ZNF418: variants seen among roughly 807,000 people sequenced by gnomAD.
ZNF418 encodes zinc finger protein 418.
In ZNF418, 32 loss-of-function variants were observed where a neutral mutation model predicts 32.0. The ratio of observed to expected loss-of-function variants is 1.00; its 90% CI spans 0.75 to 1.34. The LOEUF is 1.34. ZNF418 is among the 40% of genes most tolerant of loss of function. The pLI, the probability that ZNF418 is intolerant of heterozygous loss-of-function variation, is 0.00. For synonymous variants in ZNF418, 276 were observed against 270.7 expected, an observed-to-expected ratio of 1.02 and a Z score of -0.19; for missense variants, 804 against 812.5, an observed-to-expected ratio of 0.99 and a Z score of 0.13.
chr19:57,928,238 TGAAGGGCATTA>T (rs2072332524), intron 3 of ZNF418, among the ~76,000 whole-genome samples, 191 bp from the exon 4 acceptor site: 1 of 152,176 alleles, frequency 6.6e-6, no homozygotes, highest in African/African-American at 2.4e-5. Flanking sequence ...CCTCATGATA[TGAAGGGCATTA>T]GCATACATGC....
At chr19:57,928,093 A>T (rs1381228553) in intron 3 of ZNF418, 46 bp from the exon 4 acceptor site, 1 of 1,453,058 alleles carries the variant, frequency 6.9e-7, no homozygotes, top group Non-Finnish European at 9.3e-7. Flanking sequence ...CTCTGGTGGG[A>T]AGGCACAGCC....
chr19:57,923,561 CACACAT>C (rs200107867), intron 4 of ZNF418, among the ~76,000 whole-genome samples: 8,214 of 150,292 alleles, frequency 0.055, 184 homozygotes, highest in Non-Finnish European at 0.072. Flanking sequence ...CACACACACA[CACACAT>C]ATATACACAT....
Position 57,926,040 on chromosome 19 carries a change from G to T in ZNF418, c.*110C>A. 1.1e-6 allele frequency: 1 copy of T among 914,412 alleles called. No individual in the cohort carries two copies. The highest frequency in any genetic ancestry group is 1.6e-6 in the Non-Finnish European group (1 of 608,820). The allele number at this position is 914,412 out of a possible 1,614,324, so 56.6% of individuals were successfully genotyped here. ...CTGTATGTAATAAAACAAGACTTCT[G>T]CATAAAGAATATCCCACGTTTGTCA... On this transcript the variant is annotated 3_prime_UTR_variant, in exon 4 of 6. Transcript: ENST00000396147.
chr19:57,934,051 T>A, intron 1 of ZNF418, 149 bp from the exon 2 acceptor site: 1 of 1,451,302 alleles, frequency 6.9e-7, no homozygotes, highest in Non-Finnish European at 9.1e-7. Flanking sequence ...GAAATGGGAA[T>A]ACCTCCATAC....
At chr19:57,930,662 C>T in intron 2 of ZNF418, 108 bp from the exon 3 acceptor site, 2 of 1,527,928 alleles carry the variant, frequency 1.3e-6, no homozygotes, top group South Asian at 1.2e-5. Flanking sequence ...CCAAGATCCT[C>T]AGCACAGAGG....
chr19:57,926,699 G>A lies in ZNF418; in HGVS notation c.1482C>T (p.Ser494=). The A allele has an allele frequency of 1.2e-6, 2 of 1,613,642 alleles. No individual in the cohort carries two copies. The highest frequency in any genetic ancestry group is 1.7e-6 in the Non-Finnish European group (2 of 1,179,936). ...CNECGKSFQD[S]SGFRVHQRVH... ...CTCTCTGATGAACACGAAACCCAGAGCTGTCTTGAAATGATTTCCCACATT... is the reference window on the plus strand; with the variant it reads ...CTCTCTGATGAACACGAAACCCAGAACTGTCTTGAAATGATTTCCCACATT... The change falls in exon 4 of 6, where the codon AGC becomes AGT. Residue 494 remains serine, a synonymous_variant. Coordinates refer to ENST00000396147, the MANE Select transcript of ZNF418 (RefSeq NM_133460.3).
At chr19:57,932,926 G>A (rs1215996370) in intron 2 of ZNF418, among the ~76,000 whole-genome samples, 1 of 151,996 alleles carries the variant, frequency 6.6e-6, no homozygotes, top group Non-Finnish European at 1.5e-5. Flanking sequence ...GAAAGCCTAT[G>A]CCCCCTGACA....
At chr19:57,925,380 G>T (rs1052183000) in intron 4 of ZNF418, among the ~76,000 whole-genome samples, 1 of 151,522 alleles carries the variant, frequency 6.6e-6, no homozygotes, top group African/African-American at 2.4e-5. Context: ...AGAATGGCGT[G>T]AACCCGGGAG....
In ZNF418 at chr19:57,935,147, G is replaced by T; in HGVS notation, c.-81+14C>A. 7.6e-7 allele frequency: 1 copy of T among 1,316,148 alleles called. No individual in the cohort carries two copies. Among genetic ancestry groups the T allele is most frequent in the Non-Finnish European group, 9.9e-7 (1 of 1,014,324 alleles). 81.5% of individuals were successfully genotyped at this position (1,316,148 alleles called of 1,614,324 possible). On this transcript the variant is annotated intron_variant, in intron 1 of 5. Transcript: ENST00000396147. ...TAGGATGAGGTGACCTGAGGGCAGGGAAGGCACAATTACCTGAGCCGGGAG... is the reference window on the plus strand; with the variant it reads ...TAGGATGAGGTGACCTGAGGGCAGGTAAGGCACAATTACCTGAGCCGGGAG...
In ZNF418 at chr19:57,927,335, C is replaced by A; in HGVS notation, c.846G>T (p.Gly282=). The part of the protein sequence containing the change: ...SLVQHQRVHT[G]KRPYECGECG... ...ATTCTCCACATTCATAAGGTCTTTT[C>A]CCAGTGTGAACTCGCTGATGCTGAA... The change falls in exon 4 of 6, where the codon GGG becomes GGT. Residue 282 remains glycine, a synonymous_variant. Transcript: ENST00000396147. The A allele has an allele frequency of 1.2e-6, 2 of 1,607,172 alleles. No individual in the cohort carries two copies. Among genetic ancestry groups the A allele is most frequent in the Non-Finnish European group, 1.7e-6 (2 of 1,178,226 alleles).
Position 57,926,879 on chromosome 19 carries a change from A to G in ZNF418, c.1302T>C (p.Ser434=). 3.7e-6 allele frequency: 6 copies of G among 1,613,564 alleles called. No homozygotes were observed. In the South Asian group the frequency reaches 5.5e-5, roughly 15 times the overall value. Residue 434 remains serine, a synonymous_variant, in exon 4 of 6, where the codon TCT becomes TCC. Coordinates refer to ENST00000396147, the MANE Select transcript of ZNF418 (RefSeq NM_133460.3). ...GAATGAGGTTGCCCTTTCGACTAAAAGATTTCCCACATTCTCCACACTCGT... is the reference window on the plus strand; with the variant it reads ...GAATGAGGTTGCCCTTTCGACTAAAGGATTTCCCACATTCTCCACACTCGT... ...RPYECGECGK[S]FSRKGNLIQH...
In ZNF418 at chr19:57,925,987, A is replaced by C; in HGVS notation, c.*163T>G. On this transcript the variant is annotated 3_prime_UTR_variant, in exon 4 of 6. Coordinates refer to ENST00000396147, the MANE Select transcript of ZNF418 (RefSeq NM_133460.3). ...AGGCTTTCTCACATTCATCGCACTCAAGAGGCCCTTCTGCAGTGGGAGCTC... is the reference window on the plus strand; with the variant it reads ...AGGCTTTCTCACATTCATCGCACTCCAGAGGCCCTTCTGCAGTGGGAGCTC... The C allele has an allele frequency of 3.2e-6, 2 of 617,642 alleles. No individual in the cohort carries two copies. The highest frequency in any genetic ancestry group is 5.5e-5 in the East Asian group (2 of 36,484). 38.3% of individuals were successfully genotyped at this position (617,642 alleles called of 1,614,324 possible).
intron 2 of ZNF418, among the ~76,000 whole-genome samples, chr19:57,933,477 C>T (rs1270977603): frequency 6.6e-6 from 1 of 152,190 alleles, no homozygotes; most frequent in Admixed American, 6.5e-5. Flanking sequence ...AATCCCAGCA[C>T]TTTGGGAGGC....
Position 57,935,179 on chromosome 19 carries a change from C to A in ZNF418, c.-99G>T. ...CAATTACCTGAGCCGGGAGCCTCAGCGCGGCCGCCGCCATCCCGAGTACGC... is the reference window on the plus strand; with the variant it reads ...CAATTACCTGAGCCGGGAGCCTCAGAGCGGCCGCCGCCATCCCGAGTACGC... On this transcript the variant is annotated 5_prime_UTR_variant, in exon 1 of 6. Transcript: ENST00000396147. 3 of 1,307,216 alleles carry A rather than the reference C, an allele frequency of 2.3e-6. No homozygotes were observed. Among genetic ancestry groups the A allele is most frequent in the Non-Finnish European group, 3.0e-6 (3 of 1,008,388 alleles). 81.0% of individuals were successfully genotyped at this position (1,307,216 alleles called of 1,614,324 possible). A position where few individuals can be genotyped will look rare whatever the true frequency, so the allele number is the denominator to read the frequency against.
intron 3 of ZNF418, among the ~76,000 whole-genome samples, chr19:57,929,858 T>C (rs1261091035): frequency 6.6e-6 from 1 of 152,126 alleles, no homozygotes; most frequent in Non-Finnish European, 1.5e-5. Context: ...AATTTTTTTG[T>C]ATTTTTTAGT....
chr19:57,933,638 G>A (rs1019842660), intron 2 of ZNF418, among the ~76,000 whole-genome samples, 179 bp downstream of exon 2: 6 of 152,052 alleles, frequency 3.9e-5, no homozygotes, highest in African/African-American at 1.2e-4. Context: ...GGAGAATGGC[G>A]TGAACCCGGG....
intron 2 of ZNF418, chr19:57,932,423 A>T (rs887373263): frequency 1.3e-6 from 2 of 1,535,088 alleles, no homozygotes; most frequent in Admixed American, 3.9e-5. Context: ...ACAGGATCCA[A>T]TATTACCACA....
intron 4 of ZNF418, among the ~76,000 whole-genome samples, chr19:57,924,254 A>G (rs1472795307): frequency 6.6e-6 from 1 of 152,190 alleles, no homozygotes; most frequent in Non-Finnish European, 1.5e-5. Flanking sequence ...TGCGGCAGCA[A>G]ATACTGATAA....
At position 57,927,295 on chromosome 19, in the gene ZNF418, T is replaced by A. The variant is rs757010794; in HGVS notation, c.886A>T (p.Ser296Cys). 3.1e-6 allele frequency: 5 copies of A among 1,614,032 alleles called. No individual in the cohort carries two copies. In the South Asian group the frequency reaches 5.5e-5, roughly 18 times the overall value. ...YECGECGKSF[S>C]HKGSLVQHQR... ...TGCTGAACAAGGCTGCCCTTATGACTAAAAGATTTCCCACATTCTCCACAT... is the reference window on the plus strand; with the variant it reads ...TGCTGAACAAGGCTGCCCTTATGACAAAAAGATTTCCCACATTCTCCACAT... The change falls in exon 4 of 6, where the codon AGT becomes TGT. Residue 296 changes from serine to cysteine, a missense_variant. This residue lies in a region of ZNF418 where 22 missense variants were observed against 49.0 expected (regional missense o/e 0.45). Transcript: ENST00000396147.
Sources: allele counts gnomAD v4.1 joint callset (sites outside exome capture counted in the v4.1 genomes callset), GRCh38; gene constraint gnomAD v4.1.1; regional missense constraint gnomAD v4.1.1; transcripts MANE v1.5; gene names NCBI Gene and HGNC (gene_info 2026-07-23, HGNC 2026-07-21).